KLRD1: variants seen among roughly 807,000 people sequenced by gnomAD.
The protein encoded by KLRD1 is natural killer cells antigen CD94.
Under a neutral mutation model 22.6 loss-of-function variants are expected in KLRD1, and 21 were observed. The ratio of observed to expected loss-of-function variants is 0.93; its 90% CI spans 0.66 to 1.34. The LOEUF (loss-of-function observed/expected upper bound fraction) is 1.34, where lower values mean the gene tolerates loss of function less well. KLRD1 is among the 40% of genes most tolerant of loss of function. The probability of loss-of-function intolerance (pLI) is 0.00; values close to 1 mark genes in which losing one functional copy is unlikely to be tolerated. For synonymous variants in KLRD1, 59 were observed against 71.1 expected, an observed-to-expected ratio of 0.83 and a Z score of 0.85; for missense variants, 183 against 208.6, an observed-to-expected ratio of 0.88 and a Z score of 0.76.
chr12:10,270,194 A>G (rs1228747312), intron 1 of KLRD1, among the ~76,000 whole-genome samples: 2 of 152,230 alleles, frequency 1.3e-5, no homozygotes, highest in East Asian at 1.9e-4. Flanking sequence ...GGCCTATGCC[A>G]TTGCTGATAA....
chr12:10,284,959 CAA>C (rs1051413367), intron 1 of KLRD1, among the ~76,000 whole-genome samples: 9 of 151,058 alleles, frequency 6.0e-5, no homozygotes, highest in African/African-American at 2.2e-4. Flanking sequence ...CCAGCCTGGG[CAA>C]CAAGAGCGAA....
chr12:10,260,264 G>A (rs147940749), intron 1 of KLRD1, among the ~76,000 whole-genome samples: 211 of 151,740 alleles, frequency 1.4e-3, no homozygotes, highest in African/African-American at 4.8e-3. Context: ...TTTTCTTTTT[G>A]TAGGTTAGCT....
At chr12:10,244,471 A>G (rs570135441) in intron 1 of KLRD1, among the ~76,000 whole-genome samples, 11 of 152,276 alleles carry the variant, frequency 7.2e-5, no homozygotes, top group African/African-American at 2.6e-4. Context: ...TTTCATTTCC[A>G]ATAAACTCAG....
intron 1 of KLRD1, among the ~76,000 whole-genome samples, chr12:10,265,441 A>G (rs1214373599): frequency 6.6e-6 from 1 of 152,220 alleles, no homozygotes; most frequent in Non-Finnish European, 1.5e-5. Flanking sequence ...CAACATCATT[A>G]CAGAGGAGTA....
intron 1 of KLRD1, among the ~76,000 whole-genome samples, chr12:10,285,163 T>C (rs1022099548): frequency 3.9e-5 from 6 of 152,362 alleles, no homozygotes; most frequent in South Asian, 2.1e-4. Context: ...CAATGTTGCA[T>C]ATTAACCTGG....
chr12:10,241,869 C>T (rs542655987), intron 1 of KLRD1, among the ~76,000 whole-genome samples: 8 of 152,182 alleles, frequency 5.3e-5, no homozygotes, highest in Admixed American at 2.6e-4. Context: ...ATGATGTTCT[C>T]TTAACCCGTC....
chr12:10,301,473 C>T (rs559578216), upstream of KLRD1, among the ~76,000 whole-genome samples: 81 of 152,284 alleles, frequency 5.3e-4, 1 homozygote, highest in African/African-American at 1.9e-3. Context: ...CCCTGCCCTC[C>T]ACAATCCTTT....
intron 1 of KLRD1, among the ~76,000 whole-genome samples, chr12:10,249,197 A>G (rs1949322449): frequency 6.6e-6 from 1 of 152,158 alleles, no homozygotes; most frequent in Admixed American, 6.5e-5. Flanking sequence ...TAGGCTTAAC[A>G]GGGGACAGGG....
chr12:10,284,655 A>G (rs1949682747), intron 1 of KLRD1, among the ~76,000 whole-genome samples: 1 of 152,210 alleles, frequency 6.6e-6, no homozygotes, highest in Non-Finnish European at 1.5e-5. Context: ...AATAAATTTT[A>G]AAGTACATTT....
intron 1 of KLRD1, among the ~76,000 whole-genome samples, chr12:10,276,955 A>G (rs764291053): frequency 6.6e-6 from 1 of 152,164 alleles, no homozygotes; most frequent in Non-Finnish European, 1.5e-5. Flanking sequence ...AATAAGAAAT[A>G]AGTGGAAACA....
At chr12:10,299,525 C>T (rs570072629), upstream of KLRD1, among the ~76,000 whole-genome samples, 1 of 152,132 alleles carries the variant, frequency 6.6e-6, no homozygotes, top group South Asian at 2.1e-4. Context: ...AGCATTATGT[C>T]TTAAAAAACA....
intron 1 of KLRD1, among the ~76,000 whole-genome samples, chr12:10,266,351 C>T (rs1028417573): frequency 2.0e-5 from 3 of 152,038 alleles, no homozygotes; most frequent in Non-Finnish European, 4.4e-5. Context: ...TTATTTTTGT[C>T]AATTCAATGG....
chr12:10,241,773 T>C (rs1252528795), intron 1 of KLRD1, among the ~76,000 whole-genome samples: 1 of 152,188 alleles, frequency 6.6e-6, no homozygotes, highest in East Asian at 1.9e-4. Flanking sequence ...TATATGTGTA[T>C]GTATATATAT....
At chr12:10,310,864 C>A (rs542387586) in intron 3 of KLRD1, among the ~76,000 whole-genome samples, 2 of 152,142 alleles carry the variant, frequency 1.3e-5, no homozygotes, top group African/African-American at 4.8e-5. Context: ...GTGCCTATGA[C>A]GTGTCATGTT....
At chr12:10,313,263 T>C (rs1179442502) in intron 4 of KLRD1, 147 bp from the exon 5 acceptor site, 1 of 474,144 alleles carries the variant, frequency 2.1e-6, no homozygotes, top group East Asian at 3.3e-5. Context: ...CTTGTGATTA[T>C]ACCTTTTAAA....
intron 1 of KLRD1, 46 bp downstream of exon 1, chr12:10,308,130 A>C: frequency 1.2e-5 from 19 of 1,553,486 alleles, no homozygotes; most frequent in Non-Finnish European, 1.5e-5. Context: ...CAGAAAAGCT[A>C]TTTCTTGGAT....
chr12:10,242,071 G>GTTTTTTTTTTTTTTTTTTTTTTTTTTTTT (rs72326980), intron 1 of KLRD1, among the ~76,000 whole-genome samples: 6 of 99,386 alleles, frequency 6.0e-5, no homozygotes, highest in African/African-American at 7.6e-5. Flanking sequence ...TGTTCTTGCT[G>GTTTTTTTTTTTTTTTTTTTTTTTTTTTTT]TTTTTTTTTT....
chr12:10,266,399 G>A (rs1477355323), intron 1 of KLRD1, among the ~76,000 whole-genome samples: 1 of 151,912 alleles, frequency 6.6e-6, no homozygotes, highest in Non-Finnish European at 1.5e-5. Context: ...TCATTTCCAT[G>A]ATTACCTTTG....
chr12:10,314,109 G>T (rs1291315929), intron 5 of KLRD1, among the ~76,000 whole-genome samples: 2 of 151,992 alleles, frequency 1.3e-5, no homozygotes, highest in Non-Finnish European at 2.9e-5. Context: ...CTTTATTTTT[G>T]CCTTAGTACC....
Sources: gnomAD v4.1 joint callset for allele counts (sites outside exome capture counted in the v4.1 genomes callset) on GRCh38, gnomAD v4.1.1 for gene constraint, MANE v1.5 for transcripts, NCBI Gene and HGNC (gene_info 2026-07-23, HGNC 2026-07-21) for gene names.